Variants in CCDC102B observed in about 807,000 individuals in gnomAD.
The protein encoded by CCDC102B is coiled-coil domain containing 102B, also known as coiled-coil domain-containing protein 102B.
CCDC102B carries 75 observed loss-of-function variants against 57.4 expected under a neutral mutation model. The ratio of observed to expected loss-of-function variants is 1.31; its 90% CI spans 1.08 to 1.58. The LOEUF (loss-of-function observed/expected upper bound fraction) is 1.58. Among genes scored for constraint, CCDC102B ranks in the 40% most tolerant of loss-of-function variants. The pLI is 0.00. For missense variants in CCDC102B, 636 were observed against 582.6 expected, an observed-to-expected ratio of 1.09 and a Z score of -0.94; for synonymous variants, 206 against 201.9, an observed-to-expected ratio of 1.02 and a Z score of -0.17.
chr18:69,025,728 A>C (rs2145430937), intron 7 of CCDC102B, among the ~76,000 whole-genome samples: 1 of 152,336 alleles, frequency 6.6e-6, no homozygotes, highest in South Asian at 2.1e-4. Flanking sequence ...TTTGATTGGA[A>C]GAAACCACTT....
At chr18:68,963,803 A>ATATG (rs527362804) in intron 6 of CCDC102B, among the ~76,000 whole-genome samples, 1,521 of 151,710 alleles carry the variant, frequency 0.01, 14 homozygotes, top group Non-Finnish European at 0.012. Flanking sequence ...ATATGTGTAT[A>ATATG]TATGTATGTA....
In CCDC102B at chr18:68,917,171, A is replaced by AT. The variant is rs34197258; in HGVS notation, c.1263+19753dup. ...AAAACTGAATTTCTTGAAAACCAGC[A>AT]TTTTTTTTTTCTTTTTGGAGACAAT... On this transcript the variant is annotated intron_variant, in intron 6 of 7. Transcript: ENST00000360242. Among the ~76,000 whole-genome samples the AT allele has an allele frequency of 5.6e-3, 847 of 150,030 alleles. 2 individuals are homozygous for AT. The highest frequency in any genetic ancestry group is 0.011 in the African/African-American group (471 of 40,996).
intron 2 of CCDC102B, among the ~76,000 whole-genome samples, chr18:68,736,039 A>G (rs2033111435): frequency 2.6e-5 from 4 of 152,232 alleles, no homozygotes; most frequent in Admixed American, 2.6e-4. Context: ...TTTTGCTAAC[A>G]ATTATCATAT....
intron 1 of CCDC102B, among the ~76,000 whole-genome samples, chr18:68,812,793 G>T (rs1374368749): frequency 6.6e-6 from 1 of 152,118 alleles, no homozygotes; most frequent in Non-Finnish European, 1.5e-5. Context: ...TCCTTCTGAA[G>T]AATTAACATA....
intron 7 of CCDC102B, among the ~76,000 whole-genome samples, chr18:69,017,287 T>A (rs539201862): frequency 6.6e-6 from 1 of 151,986 alleles, no homozygotes; most frequent in East Asian, 1.9e-4. Flanking sequence ...GGCTATTTTT[T>A]TTGTGTGTGT....
intron 2 of CCDC102B, among the ~76,000 whole-genome samples, chr18:68,757,307 A>G (rs558949782): frequency 1.3e-5 from 2 of 152,232 alleles, no homozygotes; most frequent in East Asian, 3.9e-4. Context: ...TTTATGTATG[A>G]CTGTTGACAT....
intron 5 of CCDC102B, among the ~76,000 whole-genome samples, chr18:68,892,930 A>C (rs1320571870): frequency 6.6e-6 from 1 of 152,186 alleles, no homozygotes; most frequent in Non-Finnish European, 1.5e-5. Context: ...AGTTGAACCC[A>C]GCTGCTACCT....
intron 1 of CCDC102B, among the ~76,000 whole-genome samples, chr18:68,819,877 A>T (rs56250201): frequency 0.17 from 25,385 of 151,996 alleles, 3,041 homozygotes; most frequent in East Asian, 0.49. Flanking sequence ...TTGATGTCTA[A>T]ATATTGGTTT....
At chr18:68,775,630 T>G (rs2034785055) in intron 2 of CCDC102B, among the ~76,000 whole-genome samples, 1 of 150,704 alleles carries the variant, frequency 6.6e-6, no homozygotes, top group Non-Finnish European at 1.5e-5. Flanking sequence ...TATGTGATGC[T>G]AGTAGGCATC....
intron 6 of CCDC102B, among the ~76,000 whole-genome samples, chr18:68,950,925 T>C (rs1057207660): frequency 1.3e-5 from 2 of 152,156 alleles, no homozygotes; most frequent in East Asian, 3.9e-4. Flanking sequence ...TTATGTACTT[T>C]CACATAATAA....
chr18:68,897,496 T>A (rs2040285483), intron 6 of CCDC102B, 68 bp downstream of exon 6: 5 of 1,570,018 alleles, frequency 3.2e-6, no homozygotes, highest in East Asian at 4.5e-5. Context: ...AGAGTCTGTC[T>A]TCACTCGTAC....
chr18:68,837,227 C>T lies in CCDC102B; in HGVS notation c.464C>T (p.Thr155Ile). The change falls in exon 2 of 8, where the codon ACC (threonine) becomes ATC (isoleucine). Residue 155 changes from threonine to isoleucine, a missense_variant. Transcript: ENST00000360242. ...AAGGAGGCATTAGAAGCTAAAGTTACCCAGGATCTGAAGCTTCCTGGCTTC... is the reference window on the plus strand; with the variant it reads ...AAGGAGGCATTAGAAGCTAAAGTTATCCAGGATCTGAAGCTTCCTGGCTTC... ...PQKEALEAKV[T>I]QDLKLPGFVE... The T allele has an allele frequency of 6.2e-7, 1 of 1,614,108 alleles. No homozygotes were observed.
chr18:69,043,794 A>G (rs2052492688), intron 7 of CCDC102B, among the ~76,000 whole-genome samples: 1 of 152,100 alleles, frequency 6.6e-6, no homozygotes, highest in South Asian at 2.1e-4. Flanking sequence ...CACAGTAACA[A>G]TCTGATCTCT....
chr18:69,052,497 A>T (rs1195406928), intron 7 of CCDC102B, among the ~76,000 whole-genome samples: 1 of 151,870 alleles, frequency 6.6e-6, no homozygotes, highest in East Asian at 1.9e-4. Context: ...ATCGTCTGTT[A>T]TACACACACA....
At chr18:68,739,159 T>C (rs1349547200) in intron 2 of CCDC102B, among the ~76,000 whole-genome samples, 1 of 152,120 alleles carries the variant, frequency 6.6e-6, no homozygotes, top group Non-Finnish European at 1.5e-5. Context: ...CATGCCCAGC[T>C]AATTTCTTGT....
chr18:68,863,823 T>C (rs1362775455), intron 4 of CCDC102B, among the ~76,000 whole-genome samples: 1 of 151,984 alleles, frequency 6.6e-6, no homozygotes, highest in East Asian at 1.9e-4. Context: ...AGCTACCATA[T>C]TTAGAACTCA....
At chr18:68,962,018 T>G (rs576437795) in intron 6 of CCDC102B, among the ~76,000 whole-genome samples, 245 of 152,196 alleles carry the variant, frequency 1.6e-3, no homozygotes, top group Non-Finnish European at 3.0e-3. Context: ...CACTAGATGT[T>G]TTTTGCTAGT....
chr18:68,888,690 A>G (rs117176948), intron 5 of CCDC102B, among the ~76,000 whole-genome samples: 1,619 of 152,278 alleles, frequency 0.011, 38 homozygotes, highest in East Asian at 0.081. Flanking sequence ...TTTTAGTAAG[A>G]ATAATATATA....
chr18:68,932,157 G>T (rs1430785744), intron 6 of CCDC102B, among the ~76,000 whole-genome samples: 1 of 151,604 alleles, frequency 6.6e-6, no homozygotes, highest in Non-Finnish European at 1.5e-5. Flanking sequence ...CCAATAATAA[G>T]AATTATTTCT....
Sources: gnomAD v4.1 joint callset for allele counts (sites outside exome capture counted in the v4.1 genomes callset) on GRCh38, gnomAD v4.1.1 for gene constraint, MANE v1.5 for transcripts, NCBI Gene and HGNC (gene_info 2026-07-23, HGNC 2026-07-21) for gene names.